Variants in PPP1R21 observed in about 807,000 individuals in gnomAD.
PPP1R21 encodes protein phosphatase 1 regulatory subunit 21, also known as KLRAQ motif containing 1.
In PPP1R21, 85 loss-of-function variants were observed where a neutral mutation model predicts 112.8. The ratio of observed to expected loss-of-function variants is 0.75; its 90% CI spans 0.63 to 0.90. PPP1R21 has a LOEUF of 0.90. Among genes scored for constraint, PPP1R21 ranks in the 40% least tolerant of loss-of-function variants. The pLI, the probability that PPP1R21 is intolerant of heterozygous loss-of-function variation, is 0.00. For synonymous variants in PPP1R21, 381 were observed against 322.3 expected, an observed-to-expected ratio of 1.18 and a Z score of -1.95; for missense variants, 1,199 against 901.5, an observed-to-expected ratio of 1.33 and a Z score of -4.23.
At chr2:48,469,106 T>G (rs754498131) in intron 9 of PPP1R21, among the ~76,000 whole-genome samples, 4 of 151,380 alleles carry the variant, frequency 2.6e-5, no homozygotes, top group Non-Finnish European at 4.4e-5. Flanking sequence ...TTGTGAGACT[T>G]ATCCACTATC....
intron 1 of PPP1R21, among the ~76,000 whole-genome samples, chr2:48,446,694 A>G (rs1241048046): frequency 1.3e-5 from 2 of 152,222 alleles, no homozygotes; most frequent in Non-Finnish European, 2.9e-5. Context: ...ACAAGGAAGT[A>G]TACTGTAGTC....
At chr2:48,448,006 C>T (rs1298329405) in intron 1 of PPP1R21, among the ~76,000 whole-genome samples, 1 of 151,764 alleles carries the variant, frequency 6.6e-6, no homozygotes, top group Non-Finnish European at 1.5e-5. Flanking sequence ...CTAATAAGAG[C>T]AGCTCAGGAT....
At chr2:48,507,005 G>C (rs899839494) in intron 18 of PPP1R21, among the ~76,000 whole-genome samples, 1 of 151,382 alleles carries the variant, frequency 6.6e-6, no homozygotes, top group Non-Finnish European at 1.5e-5. Flanking sequence ...GAGGGGCAGG[G>C]TTCCAGTGGG....
intron 12 of PPP1R21, among the ~76,000 whole-genome samples, chr2:48,476,285 C>T (rs569058524): frequency 6.6e-6 from 1 of 152,204 alleles, no homozygotes; most frequent in Non-Finnish European, 1.5e-5. Context: ...TGTATCAGTA[C>T]TCAATTTTTA....
chr2:48,482,917 C>T (rs1426721721), intron 13 of PPP1R21, among the ~76,000 whole-genome samples: 2 of 152,080 alleles, frequency 1.3e-5, no homozygotes, highest in Admixed American at 6.6e-5. Context: ...GCCATTCTTC[C>T]TGATGCTATC....
chr2:48,497,237 A>G (rs1669887921), intron 16 of PPP1R21, among the ~76,000 whole-genome samples: 1 of 152,124 alleles, frequency 6.6e-6, no homozygotes, highest in South Asian at 2.1e-4. Flanking sequence ...CCACAACAAA[A>G]CTGACTACTT....
In PPP1R21 at chr2:48,491,013, T is replaced by A. The variant is rs1325231168; in HGVS notation, c.1447-5T>A. ...AAATCTATTTCCTTGTCATACTTTGTTTAGATTGCATCCTTCTTCAGCAAC... is the reference window on the plus strand; with the variant it reads ...AAATCTATTTCCTTGTCATACTTTGATTAGATTGCATCCTTCTTCAGCAAC... On this transcript the variant is annotated splice_region_variant and splice_polypyrimidine_tract_variant and intron_variant, in intron 14 of 21. Transcript: ENST00000294952. 1 of 1,612,896 alleles carries A rather than the reference T, an allele frequency of 6.2e-7. No individual in the cohort carries two copies. The highest frequency in any genetic ancestry group is 8.5e-7 in the Non-Finnish European group (1 of 1,179,004).
At position 48,511,369 on chromosome 2, in the gene PPP1R21, C is replaced by T. The variant is rs368074104; in HGVS notation, c.2214C>T (p.Tyr738=). Reference sequence around the variant, plus strand: ...AGCTGACAACTACCAAGAGGAGTTACGAGGATCAGTTAAGTATGATGAGTG... The same window carrying T: ...AGCTGACAACTACCAAGAGGAGTTATGAGGATCAGTTAAGTATGATGAGTG... The part of the protein sequence containing the change: ...QDELTTTKRS[Y]EDQLSMMSDH... Residue 738 remains tyrosine, a synonymous_variant, in exon 21 of 22, where the codon TAC becomes TAT. Coordinates refer to ENST00000294952, the MANE Select transcript of PPP1R21 (RefSeq NM_001135629.3). The T allele has an allele frequency of 4.8e-5, 77 of 1,613,460 alleles. No individual in the cohort carries two copies. The highest frequency in any genetic ancestry group is 1.2e-4 in the African/African-American group (9 of 74,794).
intron 3 of PPP1R21, 147 bp from the exon 4 acceptor site, chr2:48,457,979 G>T (rs370638310): frequency 2.7e-4 from 173 of 633,050 alleles, no homozygotes; most frequent in African/African-American, 2.7e-3. Flanking sequence ...AAAGTTAAAT[G>T]ATGAACTGTA....
chr2:48,489,381 G>A (rs971531850), intron 14 of PPP1R21, among the ~76,000 whole-genome samples: 2 of 151,098 alleles, frequency 1.3e-5, no homozygotes, highest in African/African-American at 4.9e-5. Flanking sequence ...TGCGTCTGTG[G>A]TCTCAACTAC....
intron 7 of PPP1R21, 132 bp from the exon 8 acceptor site, chr2:48,464,803 ATT>A (rs1295584589): frequency 1.7e-6 from 1 of 593,262 alleles, no homozygotes; most frequent in African/African-American, 2.0e-5. Flanking sequence ...AAATTCCATT[ATT>A]CTGTATTGTT....
intron 9 of PPP1R21, among the ~76,000 whole-genome samples, chr2:48,466,237 A>C (rs931432406): frequency 2.5e-4 from 38 of 150,834 alleles, no homozygotes; most frequent in African/African-American, 8.5e-4. Flanking sequence ...TTTGAGGTGG[A>C]GTCTCGCTCT....
At chr2:48,458,075 G>T (rs771216179) in intron 3 of PPP1R21, 51 bp from the exon 4 acceptor site, 7 of 1,201,114 alleles carry the variant, frequency 5.8e-6, no homozygotes, top group Non-Finnish European at 8.7e-6. Flanking sequence ...ACCTTAGGAT[G>T]TTTCTCTAAA....
intron 19 of PPP1R21, 50 bp downstream of exon 19, chr2:48,507,435 G>GAATT: frequency 6.3e-7 from 1 of 1,578,988 alleles, no homozygotes; most frequent in Non-Finnish European, 8.5e-7. Flanking sequence ...ACCCCTGCAG[G>GAATT]AGTTAGGACA....
chr2:48,499,324 A>G (rs1669994542), intron 17 of PPP1R21, among the ~76,000 whole-genome samples: 1 of 152,216 alleles, frequency 6.6e-6, no homozygotes, highest in Non-Finnish European at 1.5e-5. Context: ...TGGAAAAGAT[A>G]TAGTAAGTTA....
At position 48,507,284 on chromosome 2, in the gene PPP1R21, T is replaced by A; in HGVS notation, c.1984T>A (p.Ser662Thr). 6.4e-7 allele frequency: 1 copy of A among 1,554,718 alleles called. No homozygotes were observed. ...TTCTATTTAGGTTCCAGATGTGGAA[T>A]CTCGTGAAGACTTAATTAAAAATCA... ...TSDSEVPDVE[S>T]REDLIKNHYM... The change falls in exon 19 of 22, where the codon TCT becomes ACT. Residue 662 changes from serine to threonine, a missense_variant. Transcript: ENST00000294952.
chr2:48,489,488 G>A (rs1267591666), intron 14 of PPP1R21, among the ~76,000 whole-genome samples: 4 of 148,508 alleles, frequency 2.7e-5, no homozygotes, highest in Non-Finnish European at 5.9e-5. Flanking sequence ...GAACACAGAC[G>A]CACACCACCA....
At chr2:48,473,109 TTAA>T (rs937911377) in intron 11 of PPP1R21, among the ~76,000 whole-genome samples, 6 of 151,072 alleles carry the variant, frequency 4.0e-5, no homozygotes, top group Non-Finnish European at 7.4e-5. Context: ...ATTAAAAAAA[TTAA>T]TATATATTAA....
At chr2:48,469,445 GAGAGAGCATATATATATAT>G in intron 9 of PPP1R21, among the ~76,000 whole-genome samples, 1 of 77,818 alleles carries the variant, frequency 1.3e-5, no homozygotes, top group Admixed American at 1.5e-4. Flanking sequence ...TATATATATA[GAGAGAGCATATATATATAT>G]AGAGCATATA....
Sources: gnomAD v4.1 joint callset for allele counts (sites outside exome capture counted in the v4.1 genomes callset) on GRCh38, gnomAD v4.1.1 for gene constraint, MANE v1.5 for transcripts, NCBI Gene and HGNC (gene_info 2026-07-23, HGNC 2026-07-21) for gene names.